The following PLD1 variants were observed in gnomAD, a reference collection of about 807,000 sequenced individuals.
PLD1 encodes phospholipase D1.
A neutral mutation model predicts 137.1 loss-of-function variants in PLD1; 112 were observed. The ratio of observed to expected loss-of-function variants is 0.82; its 90% CI spans 0.70 to 0.96. The LOEUF (loss-of-function observed/expected upper bound fraction) is 0.96, where lower values mean the gene tolerates loss of function less well. PLD1 is among the 40% of genes least tolerant of loss of function. PLD1 has a pLI of 0.00. For synonymous variants in PLD1, 431 were observed against 454.7 expected (o/e 0.95, Z 0.66); for missense variants, 1,321 against 1,342.0 (o/e 0.98, Z 0.24).
chr3:171,782,802 G>A (rs1393794595), intron 1 of PLD1, among the ~76,000 whole-genome samples: 1 of 152,022 alleles, frequency 6.6e-6, no homozygotes, highest in Non-Finnish European at 1.5e-5. Context: ...ATTAAGAGGA[G>A]GTATTTGTAA....
chr3:171,688,283 G>A (rs1437015240), intron 14 of PLD1, among the ~76,000 whole-genome samples: 2 of 152,058 alleles, frequency 1.3e-5, no homozygotes, highest in Non-Finnish European at 2.9e-5. Flanking sequence ...CTTTAAGTAG[G>A]AACTTTCCAA....
intron 11 of PLD1, among the ~76,000 whole-genome samples, chr3:171,701,964 C>T (rs1339892609): frequency 2.6e-5 from 4 of 152,004 alleles, no homozygotes; most frequent in African/African-American, 9.7e-5. Context: ...TAAATGCTTA[C>T]ATGAGAAAGA....
At chr3:171,621,345 G>C (rs1333570079) in intron 23 of PLD1, among the ~76,000 whole-genome samples, 1 of 152,080 alleles carries the variant, frequency 6.6e-6, no homozygotes, top group Non-Finnish European at 1.5e-5. Flanking sequence ...AGTTGTCTTG[G>C]ATAAGCAAGT....
In PLD1 at chr3:171,726,071, C is replaced by T; in HGVS notation, c.612G>A (p.Glu204=). The T allele has an allele frequency of 6.2e-7, 1 of 1,611,692 alleles. No homozygotes were observed. The highest frequency in any genetic ancestry group is 2.2e-5 in the East Asian group (1 of 44,856). ...AAGACAGCTGGCTTATATCAAGAAA[C>T]TCTGTCTGAAAAGAAGCAAAAAATC... ...PMYRNYHATT[E]FLDISQLSFI... is the part of the protein sequence containing the mutation. The change falls in exon 7 of 27, where the codon GAG becomes GAA. Residue 204 remains glutamate, a synonymous_variant. Coordinates refer to ENST00000351298, the MANE Select transcript of PLD1 (RefSeq NM_002662.5).
intron 8 of PLD1, among the ~76,000 whole-genome samples, chr3:171,716,252 C>T (rs2108221613): frequency 6.6e-6 from 1 of 152,252 alleles, no homozygotes; most frequent in Non-Finnish European, 1.5e-5. Context: ...GGGTATATAT[C>T]CAATAATGGA....
chr3:171,764,881 A>AAG lies in PLD1; in HGVS notation c.-31-26801_-31-26800dup, dbSNP rs1200827036. On this transcript the variant is annotated intron_variant, in intron 1 of 26. Coordinates refer to ENST00000351298, the MANE Select transcript of PLD1 (RefSeq NM_002662.5). ...AAAGAAAGAAAGAAAGAAAGAAAGAAAGAAAGAAAGAAAGGAAGGAAGGAA... is the reference window on the plus strand; with the variant it reads ...AAAGAAAGAAAGAAAGAAAGAAAGAAAGAGAAAGAAAGAAAGGAAGGAAGGAA... Among the ~76,000 whole-genome samples, 68 of 25,584 alleles carry AAG rather than the reference A, an allele frequency of 2.7e-3. 3 individuals carry two copies. Among genetic ancestry groups the AAG allele is most frequent in the African/African-American group, 5.1e-3 (33 of 6,486 alleles). 16.8% of individuals were successfully genotyped at this position (25,584 alleles called of 152,430 possible).
At chr3:171,651,188 A>AT (rs1560181381) in intron 21 of PLD1, among the ~76,000 whole-genome samples, 1 of 152,044 alleles carries the variant, frequency 6.6e-6, no homozygotes, top group Non-Finnish European at 1.5e-5. Flanking sequence ...AAGACACTTT[A>AT]TTTTTTTGAG....
intron 21 of PLD1, among the ~76,000 whole-genome samples, chr3:171,648,117 C>A (rs1736419121): frequency 1.3e-5 from 2 of 152,206 alleles, no homozygotes; most frequent in Middle Eastern, 3.4e-3. Flanking sequence ...TTAATGGACA[C>A]TTATGTTGTT....
intron 9 of PLD1, among the ~76,000 whole-genome samples, chr3:171,710,891 T>TTTTTTTTTTTTTTTTTTTTTTTTTTTTA: frequency 6.8e-6 from 1 of 147,492 alleles, no homozygotes; most frequent in East Asian, 2.0e-4. Flanking sequence ...TTTTTTTTTT[T>TTTTTTTTTTTTTTTTTTTTTTTTTTTTA]GAGACGGAGT....
chr3:171,659,186 C>T (rs375876086), intron 21 of PLD1, 27 bp downstream of exon 21: 12 of 1,432,388 alleles, frequency 8.4e-6, no homozygotes, highest in Middle Eastern at 3.5e-4. Flanking sequence ...ACATCTGCAG[C>T]GAGAACTCTC....
rs114627651 is a variant in PLD1 at position 171,722,620 on chromosome 3, G to A, written c.758+2076C>T. Among the ~76,000 whole-genome samples, 937 of 152,102 alleles carry A rather than the reference G, an allele frequency of 6.2e-3. 7 individuals carry two copies. Among genetic ancestry groups the A allele is most frequent in the African/African-American group, 0.022 (898 of 41,484 alleles). On this transcript the variant is annotated intron_variant, in intron 8 of 26. Coordinates refer to ENST00000351298, the MANE Select transcript of PLD1 (RefSeq NM_002662.5). ...TGTTTTCATTTATCCTGTTTTCAAG[G>A]TTCATCCACATTGTAGCATGTATCA...
intron 25 of PLD1, among the ~76,000 whole-genome samples, chr3:171,611,026 C>T (rs1390985154): frequency 3.9e-5 from 6 of 152,150 alleles, no homozygotes; most frequent in Non-Finnish European, 8.8e-5. Flanking sequence ...GCTCACTAAG[C>T]GCCCATCTGC....
chr3:171,774,003 C>G (rs2108334223), intron 1 of PLD1, among the ~76,000 whole-genome samples: 1 of 152,308 alleles, frequency 6.6e-6, no homozygotes. Flanking sequence ...CCGCCTCGGC[C>G]TCCCAAAGTG....
At chr3:171,628,273 A>C (rs2108321794) in intron 23 of PLD1, among the ~76,000 whole-genome samples, 1 of 152,366 alleles carries the variant, frequency 6.6e-6, no homozygotes, top group East Asian at 1.9e-4. Flanking sequence ...GAAATGGATA[A>C]ATTCCTCAAC....
Position 171,763,818 on chromosome 3 carries a change from TTTTC to T in PLD1, c.-31-25740_-31-25737del, listed in dbSNP as rs200304016. On this transcript the variant is annotated intron_variant, in intron 1 of 26. Coordinates refer to ENST00000351298, the MANE Select transcript of PLD1 (RefSeq NM_002662.5). The stretch of plus-strand genomic sequence containing the variant: ...GAATAAAATAACATTATACAGCTTA[TTTTC>T]TTTCTTTCTTTTTTTTTTTTTTTTT... Among the ~76,000 whole-genome samples the T allele has an allele frequency of 7.9e-3, 1,094 of 138,232 alleles. 19 individuals carry two copies. Among genetic ancestry groups the T allele is most frequent in the African/African-American group, 0.015 (569 of 37,124 alleles). The allele number at this position is 138,232 out of a possible 152,430, so 90.7% of individuals were successfully genotyped here. A position where few individuals can be genotyped will look rare whatever the true frequency, so the allele number is the denominator to read the frequency against.
intron 24 of PLD1, among the ~76,000 whole-genome samples, chr3:171,617,763 A>G (rs1733244245): frequency 6.6e-6 from 1 of 152,048 alleles, no homozygotes; most frequent in Non-Finnish European, 1.5e-5. Context: ...GAAAACAAAT[A>G]TTTCCTCATG....
chr3:171,679,417 G>T (rs1402521728), intron 16 of PLD1, among the ~76,000 whole-genome samples: 1 of 152,088 alleles, frequency 6.6e-6, no homozygotes, highest in African/African-American at 2.4e-5. Context: ...AGTACGGGTA[G>T]GTCTGTTTGC....
At chr3:171,613,722 G>A (rs1211243774) in intron 24 of PLD1, among the ~76,000 whole-genome samples, 1 of 151,946 alleles carries the variant, frequency 6.6e-6, no homozygotes, top group Non-Finnish European at 1.5e-5. Flanking sequence ...AGTGAGCTGA[G>A]AATGTTGACT....
At chr3:171,727,707 C>T (rs56330632) in intron 6 of PLD1, among the ~76,000 whole-genome samples, 54,805 of 151,764 alleles carry the variant, frequency 0.36, 11,000 homozygotes, top group African/African-American at 0.52. Flanking sequence ...AACCACTTCC[C>T]AGCTGACATG....
Sources: allele counts gnomAD v4.1 joint callset (sites outside exome capture counted in the v4.1 genomes callset), GRCh38; gene constraint gnomAD v4.1.1; transcripts MANE v1.5; gene names NCBI Gene and HGNC (gene_info 2026-07-23, HGNC 2026-07-21).